Variants in CELSR1 observed in about 807,000 individuals in gnomAD.
CELSR1 encodes the protein cadherin EGF LAG seven-pass G-type receptor 1, also known as adhesion G protein-coupled receptor C1.
CELSR1 carries 110 observed loss-of-function variants against 249.1 expected under a neutral mutation model. The ratio of observed to expected loss-of-function variants is 0.44; its 90% CI spans 0.38 to 0.52. The LOEUF (loss-of-function observed/expected upper bound fraction) is 0.52. CELSR1 is among the 20% of genes least tolerant of loss of function. The pLI is 0.00. For missense variants in CELSR1, 4,109 were observed against 4,296.4 expected (o/e 0.96, Z 1.22); for synonymous variants, 2,113 against 1,900.0 (o/e 1.11, Z -2.92).
rs890761060 is a variant in CELSR1, at chr22:46,503,589, G to A, written c.3544+30038C>T. On this transcript the variant is annotated intron_variant, in intron 1 of 34. Transcript: ENST00000674500. ...GGACCAGGCACTTCTTGATCCGCCCGTTCCTTCACTTAAGCCTCATGCAAC... is the reference window on the plus strand; with the variant it reads ...GGACCAGGCACTTCTTGATCCGCCCATTCCTTCACTTAAGCCTCATGCAAC... Among the ~76,000 whole-genome samples the A allele has an allele frequency of 5.3e-5, 8 of 152,200 alleles. No homozygotes were observed. In the South Asian group the frequency reaches 6.2e-4, roughly 12 times the overall value.
At chr22:46,494,046 A>G (rs2080391692) in intron 1 of CELSR1, among the ~76,000 whole-genome samples, 1 of 152,206 alleles carries the variant, frequency 6.6e-6, no homozygotes, top group Non-Finnish European at 1.5e-5. Flanking sequence ...TTCAGAAAAA[A>G]AGGCAGACAC....
intron 1 of CELSR1, among the ~76,000 whole-genome samples, chr22:46,511,525 C>T (rs2080573648): frequency 1.3e-5 from 2 of 152,354 alleles, no homozygotes; most frequent in South Asian, 4.1e-4. Context: ...GGCACGCTGT[C>T]GTTCATTCCT....
At chr22:46,515,987 GA>G (rs1184696698) in intron 1 of CELSR1, among the ~76,000 whole-genome samples, 2 of 152,186 alleles carry the variant, frequency 1.3e-5, no homozygotes, top group African/African-American at 4.8e-5. Flanking sequence ...GGAGAAACAG[GA>G]ACACTTTTAC....
At chr22:46,439,558 A>G in intron 2 of CELSR1, 147 bp from the exon 3 acceptor site, 2 of 659,620 alleles carry the variant, frequency 3.0e-6, no homozygotes, top group East Asian at 2.7e-5. Context: ...GGTCTGTGAC[A>G]TGAACAGAAA....
At position 46,363,964 on chromosome 22, in the gene CELSR1, T is replaced by C. The variant is rs2078734756; in HGVS notation, c.9035+32A>G. On this transcript the variant is annotated intron_variant, in intron 34 of 34. Coordinates refer to ENST00000674500, the MANE Select transcript of CELSR1 (RefSeq NM_001378328.1). The surrounding 1 kb of genome is among the most constrained non-coding windows in gnomAD (Gnocchi z 4.3). ...TGACTCAGGACAAGGGGGAAGTGGGTGATCCCCGCCCTGGAGGCCCAGGCT... is the reference window on the plus strand; with the variant it reads ...TGACTCAGGACAAGGGGGAAGTGGGCGATCCCCGCCCTGGAGGCCCAGGCT... 6.5e-7 allele frequency: 1 copy of C among 1,548,130 alleles called. No homozygotes were observed. The highest frequency in any genetic ancestry group is 8.7e-7 in the Non-Finnish European group (1 of 1,148,516).
chr22:46,501,324 A>G (rs906678010), intron 1 of CELSR1, among the ~76,000 whole-genome samples: 3 of 150,756 alleles, frequency 2.0e-5, no homozygotes, highest in African/African-American at 7.4e-5. Context: ...TCCTGCCTCA[A>G]CCTCCAGAGT....
rs1036413856 is a variant in CELSR1 at position 46,490,487 on chromosome 22, A to C, written c.3545-26142T>G. On this transcript the variant is annotated intron_variant, in intron 1 of 34. Coordinates refer to ENST00000674500, the MANE Select transcript of CELSR1 (RefSeq NM_001378328.1). The surrounding 1 kb of genome is among the most constrained non-coding windows in gnomAD (Gnocchi z 5.2). ...TTTTTAGTAGAGACGGGGTTTCACC[A>C]TGTTGGTCAGGCTGGTCTCGAACTC... is the stretch of plus-strand genomic sequence containing the variant. Among the ~76,000 whole-genome samples the C allele has an allele frequency of 6.6e-6, 1 of 151,966 alleles. No individual in the cohort carries two copies. The highest frequency in any genetic ancestry group is 1.5e-5 in the Non-Finnish European group (1 of 68,006).
chr22:46,381,974 C>G lies in CELSR1; in HGVS notation c.6960G>C (p.Glu2320Asp). 6.4e-7 allele frequency: 1 copy of G among 1,565,714 alleles called. No homozygotes were observed. Among genetic ancestry groups the G allele is most frequent in the South Asian group, 1.2e-5 (1 of 85,170 alleles). The change falls in exon 21 of 35, where the codon GAG (glutamate) becomes GAC (aspartate). Residue 2320 changes from glutamate (E) to aspartate (D), a missense_variant. Around this residue, in one of 7 missense-constraint regions of CELSR1, gnomAD observed 1,805 missense variants for 1,831.6 expected, o/e 0.99. Coordinates refer to ENST00000674500, the MANE Select transcript of CELSR1 (RefSeq NM_001378328.1). This position sits in a 1 kb window ranked among gnomAD's most constrained non-coding sequence, Gnocchi z 6.0. ...GTCGCCTCCGCCTGCTGATCGGGGCCTCCCTCTCGGTGCCAGGCCCCGGGC... is the reference window on the plus strand; with the variant it reads ...GTCGCCTCCGCCTGCTGATCGGGGCGTCCCTCTCGGTGCCAGGCCCCGGGC... ...TTRPGPGTEREAPISRRRRHP... is the reference protein window; with the variant it reads ...TTRPGPGTERDAPISRRRRHP...
At chr22:46,400,592 G>A (rs960223633) in intron 9 of CELSR1, among the ~76,000 whole-genome samples, 2 of 152,208 alleles carry the variant, frequency 1.3e-5, no homozygotes, top group African/African-American at 4.8e-5. Flanking sequence ...AGTGAGCCGA[G>A]ATCGCGCCAC....
At chr22:46,515,301 G>C (rs1032385717) in intron 1 of CELSR1, among the ~76,000 whole-genome samples, 1 of 152,238 alleles carries the variant, frequency 6.6e-6, no homozygotes, top group African/African-American at 2.4e-5. Flanking sequence ...GCTGTCGGCA[G>C]CACAGCTGGA....
intron 5 of CELSR1, among the ~76,000 whole-genome samples, chr22:46,424,349 G>C (rs1013422260): frequency 6.6e-6 from 1 of 151,982 alleles, no homozygotes. Flanking sequence ...AAAGTGCTGG[G>C]GTTACAGGCG....
At chr22:46,371,328 G>A (rs2078849104) in intron 25 of CELSR1, among the ~76,000 whole-genome samples, 1 of 152,078 alleles carries the variant, frequency 6.6e-6, no homozygotes, top group African/African-American at 2.4e-5. Context: ...GCTGGGTGCT[G>A]CCCTGGGAGC....
chr22:46,494,815 C>T (rs6008870), intron 1 of CELSR1, among the ~76,000 whole-genome samples: 7,424 of 152,186 alleles, frequency 0.049, 603 homozygotes, highest in African/African-American at 0.17. Context: ...CCCTGAATTT[C>T]TCTGAGTAAC....
intron 14 of CELSR1, among the ~76,000 whole-genome samples, chr22:46,392,809 T>C (rs2079107526): frequency 6.6e-6 from 1 of 152,130 alleles, no homozygotes; most frequent in Non-Finnish European, 1.5e-5. Context: ...CCCTCCTGCC[T>C]CGGCCTCCAG....
rs775160138 is a variant in CELSR1 at position 46,369,856 on chromosome 22, A to AC, written c.7760-53dup. On this transcript the variant is annotated intron_variant, in intron 25 of 34. Coordinates refer to ENST00000674500, the MANE Select transcript of CELSR1 (RefSeq NM_001378328.1). Reference sequence around the variant, plus strand: ...GGTGAGGGCCACGTGCCCAGTGGCCACCCCATGCCAAGGACCAGCCAGGGT... The same window carrying AC: ...GGTGAGGGCCACGTGCCCAGTGGCCACCCCCATGCCAAGGACCAGCCAGGGT... 10 of 1,504,194 alleles carry AC rather than the reference A, an allele frequency of 6.6e-6. No individual in the cohort carries two copies. The South Asian group carries it at 9.0e-5, about 14-fold the overall frequency. 93.2% of individuals were successfully genotyped at this position (1,504,194 alleles called of 1,614,324 possible).
rs190041733 is a variant in CELSR1, at chr22:46,392,458, G to A, written c.5965-642C>T. Among the ~76,000 whole-genome samples, 11 of 152,362 alleles carry A rather than the reference G, an allele frequency of 7.2e-5. No individual in the cohort carries two copies. In the East Asian group the frequency reaches 1.7e-3, roughly 24 times the overall value. Reference sequence around the variant, plus strand: ...GACTGTGTGTAAAATGACAGTGAACGACAGGCCCAGAAGAGATGCTAAAAC... The same window carrying A: ...GACTGTGTGTAAAATGACAGTGAACAACAGGCCCAGAAGAGATGCTAAAAC... On this transcript the variant is annotated intron_variant, in intron 14 of 34. Transcript: ENST00000674500.
In CELSR1 at chr22:46,535,843, G is replaced by A. The variant is rs867346084; in HGVS notation, c.1328C>T (p.Ala443Val). 3 of 1,611,776 alleles carry A rather than the reference G, an allele frequency of 1.9e-6. No homozygotes were observed. Among genetic ancestry groups the A allele is most frequent in the African/African-American group, 1.3e-5 (1 of 75,054 alleles). ...GTCCTCCACCTCGATGTACACGGTG[G>A]CCGTGGCACTGAGCGGGCCCGGATT... The part of the protein sequence containing the change: ...GRNPGPLSAT[A>V]TVYIEVEDEN... Residue 443 changes from alanine (A) to valine (V), a missense_variant, in exon 1 of 35, where the codon GCC becomes GTC. Physicochemically the swap from Ala to Val is moderately conservative, Grantham distance 64 (BLOSUM62 0). Coordinates refer to ENST00000674500, the MANE Select transcript of CELSR1 (RefSeq NM_001378328.1).
At position 46,506,826 on chromosome 22, in the gene CELSR1, G is replaced by A. The variant is rs188267022; in HGVS notation, c.3544+26801C>T. Among the ~76,000 whole-genome samples the A allele has an allele frequency of 1.3e-4, 20 of 152,328 alleles. No homozygotes were observed. The highest frequency in any genetic ancestry group is 4.8e-4 in the African/African-American group (20 of 41,562). ...GGAAGCTGAGGCCAAGCCCGGGGGT[G>A]TCTTCTCCACGGTCTGTCACCCGCA... On this transcript the variant is annotated intron_variant, in intron 1 of 34. Transcript: ENST00000674500. This position sits in a 1 kb window ranked among gnomAD's most constrained non-coding sequence, Gnocchi z 4.1.
intron 1 of CELSR1, among the ~76,000 whole-genome samples, chr22:46,478,819 T>TG (rs927023639): frequency 6.6e-6 from 1 of 151,718 alleles, no homozygotes; most frequent in Non-Finnish European, 1.5e-5. Context: ...CCCAAAGCGC[T>TG]GGGATTACAG....
Sources: gnomAD v4.1 joint callset for allele counts (sites outside exome capture counted in the v4.1 genomes callset) on GRCh38, gnomAD v4.1.1 for gene constraint, gnomAD v4.1.1 regional missense constraint, Gnocchi (gnomAD v3.1) non-coding constraint, MANE v1.5 for transcripts, NCBI Gene and HGNC (gene_info 2026-07-23, HGNC 2026-07-21) for gene names.